The following C7orf78 variants were observed in gnomAD, a reference collection of about 807,000 sequenced individuals.
The protein encoded by C7orf78 is putative uncharacterized protein C7orf78.
At chr7:12,509,737 C>T in the C7orf78 span, among the ~76,000 whole-genome samples, 21 of 152,058 alleles carry the variant, frequency 1.4e-4, no homozygotes, top group Middle Eastern at 3.2e-3. Flanking sequence ...TTTCTGTGGC[C>T]GGCTTATTTT....
the C7orf78 span, among the ~76,000 whole-genome samples, chr7:12,500,400 A>C: frequency 4.0e-5 from 6 of 150,216 alleles, no homozygotes; most frequent in Non-Finnish European, 7.4e-5. Context: ...AAGGGGATAT[A>C]ACCACCAATC....
At chr7:12,486,724 C>T in the C7orf78 span, among the ~76,000 whole-genome samples, 18 of 152,096 alleles carry the variant, frequency 1.2e-4, no homozygotes, top group African/African-American at 4.3e-4. Context: ...TTTGTATTTG[C>T]ACTCTCCTTC....
the C7orf78 span, among the ~76,000 whole-genome samples, chr7:12,535,647 T>C: frequency 0.43 from 65,442 of 152,046 alleles, 14,609 homozygotes; most frequent in East Asian, 0.55. Flanking sequence ...AAGTCCACGG[T>C]CCAACATCTC....
At chr7:12,540,313 C>A in the C7orf78 span, among the ~76,000 whole-genome samples, 1 of 152,226 alleles carries the variant, frequency 6.6e-6, no homozygotes, top group African/African-American at 2.4e-5. Context: ...CTTCCCTGCA[C>A]TATTCTACCC....
chr7:12,489,966 G>A, the C7orf78 span, among the ~76,000 whole-genome samples: 1 of 152,134 alleles, frequency 6.6e-6, no homozygotes, highest in African/African-American at 2.4e-5. Flanking sequence ...ACAGTGGGTA[G>A]TAAGTCCAGT....
chr7:12,492,486 T>A, the C7orf78 span, among the ~76,000 whole-genome samples: 79 of 152,234 alleles, frequency 5.2e-4, 1 homozygote, highest in African/African-American at 1.9e-3. Flanking sequence ...ATACTGGTTA[T>A]GGTCTTACAT....
chr7:12,493,368 A>C, the C7orf78 span, among the ~76,000 whole-genome samples: 1 of 152,328 alleles, frequency 6.6e-6, no homozygotes, highest in Admixed American at 6.5e-5. Context: ...GATAAAATAA[A>C]ATTTAGAATC....
At chr7:12,538,696 G>A in the C7orf78 span, among the ~76,000 whole-genome samples, 1 of 152,096 alleles carries the variant, frequency 6.6e-6, no homozygotes, top group Non-Finnish European at 1.5e-5. Flanking sequence ...CAAGATGGCT[G>A]GAGCTCATCA....
At chr7:12,537,998 G>A in the C7orf78 span, among the ~76,000 whole-genome samples, 1 of 152,036 alleles carries the variant, frequency 6.6e-6, no homozygotes, top group Non-Finnish European at 1.5e-5. Flanking sequence ...TCAGGAAGTT[G>A]GCTTCCTTTG....
At chr7:12,520,530 G>C in the C7orf78 span, among the ~76,000 whole-genome samples, 7 of 152,070 alleles carry the variant, frequency 4.6e-5, no homozygotes, top group African/African-American at 1.7e-4. Flanking sequence ...TATTTGTATA[G>C]TTTCCAAAGT....
chr7:12,536,703 C>T, the C7orf78 span, among the ~76,000 whole-genome samples: 2 of 152,172 alleles, frequency 1.3e-5, no homozygotes, highest in Non-Finnish European at 2.9e-5. Flanking sequence ...ATGCCCTTAA[C>T]AGCACCCAAG....
the C7orf78 span, among the ~76,000 whole-genome samples, chr7:12,518,487 A>G: frequency 6.6e-6 from 1 of 152,118 alleles, no homozygotes; most frequent in Non-Finnish European, 1.5e-5. Flanking sequence ...AGCAGTGCTC[A>G]CTGGTGTTGG....
chr7:12,501,492 G>A, the C7orf78 span, among the ~76,000 whole-genome samples: 1 of 151,716 alleles, frequency 6.6e-6, no homozygotes, highest in South Asian at 2.1e-4. Flanking sequence ...TTGCTTCAAA[G>A]AGAATAAAAT....
chr7:12,534,481 G>A, the C7orf78 span, among the ~76,000 whole-genome samples: 15 of 152,108 alleles, frequency 9.9e-5, no homozygotes, highest in African/African-American at 3.6e-4. Flanking sequence ...ATTATTGAAT[G>A]TTCTACTTGA....
chr7:12,509,965 C>G, the C7orf78 span, among the ~76,000 whole-genome samples: 2 of 148,940 alleles, frequency 1.3e-5, no homozygotes, highest in Admixed American at 6.8e-5. Flanking sequence ...ACCCGGGAGG[C>G]AGAGGTTGCA....
chr7:12,511,918 A>ATT, the C7orf78 span, among the ~76,000 whole-genome samples: 533 of 80,546 alleles, frequency 6.6e-3, 42 homozygotes, highest in African/African-American at 0.029. Context: ...CACCTGGCTA[A>ATT]TTTTTTTTTT....
At chr7:12,511,969 G>T in the C7orf78 span, among the ~76,000 whole-genome samples, 4 of 124,582 alleles carry the variant, frequency 3.2e-5, no homozygotes, top group African/African-American at 6.3e-5. Flanking sequence ...TAGAGACGGG[G>T]TTTCACCGTG....
the C7orf78 span, among the ~76,000 whole-genome samples, chr7:12,509,727 T>A: frequency 2.0e-5 from 3 of 152,192 alleles, no homozygotes; most frequent in Non-Finnish European, 4.4e-5. Flanking sequence ...AGTGTTTGCC[T>A]TTCTGTGGCC....
the C7orf78 span, chr7:12,530,904 A>G: frequency 2.5e-6 from 1 of 395,074 alleles, no homozygotes; most frequent in Non-Finnish European, 4.5e-6. Context: ...TCTGGAATAC[A>G]GATACACTTT....
Sources: allele counts gnomAD v4.1 joint callset (sites outside exome capture counted in the v4.1 genomes callset), GRCh38; gene constraint gnomAD v4.1.1; transcripts MANE v1.5; gene names NCBI Gene and HGNC (gene_info 2026-07-23, HGNC 2026-07-21).